CDK17: variants seen among roughly 807,000 people sequenced by gnomAD.
The protein encoded by CDK17 is cyclin-dependent kinase 17.
A neutral mutation model predicts 77.6 loss-of-function variants in CDK17; 24 were observed. The observed-to-expected ratio is 0.31, with a 90% CI of 0.22 to 0.44. The LOEUF is 0.44. CDK17 is among the 20% of genes least tolerant of loss of function. The pLI, the probability that CDK17 is intolerant of heterozygous loss-of-function variation, is 1.00. For missense variants in CDK17, 429 were observed against 622.5 expected, an observed-to-expected ratio of 0.69 and a Z score of 3.31; for synonymous variants, 203 against 210.4, an observed-to-expected ratio of 0.96 and a Z score of 0.30.
chr12:96,334,683 A>G, intron 2 of CDK17, 36 bp downstream of exon 2: 2 of 1,046,618 alleles, frequency 1.9e-6, no homozygotes, highest in Non-Finnish European at 3.0e-6. Flanking sequence ...AAGTAATTAA[A>G]AGGAGGAAGC....
chr12:96,334,651 G>A (rs1404712974), intron 2 of CDK17, 68 bp downstream of exon 2: 2 of 832,960 alleles, frequency 2.4e-6, no homozygotes, highest in Non-Finnish European at 4.0e-6. Flanking sequence ...TATCTAAAAA[G>A]TAAATTTACA....
At chr12:96,280,670 G>A (rs1952165788) in intron 16 of CDK17, 138 bp downstream of exon 16, 2 of 1,448,860 alleles carry the variant, frequency 1.4e-6, no homozygotes, top group South Asian at 1.5e-5. Context: ...TACGTGCAAT[G>A]CTAAACATAA....
intron 1 of CDK17, among the ~76,000 whole-genome samples, chr12:96,380,658 G>C (rs149595368): frequency 1.1e-3 from 161 of 152,150 alleles, no homozygotes; most frequent in Admixed American, 4.3e-3. Context: ...CATCACAAAA[G>C]GTTGTCCATT....
At chr12:96,285,541 A>C (rs778899794) in intron 13 of CDK17, among the ~76,000 whole-genome samples, 1 of 152,136 alleles carries the variant, frequency 6.6e-6, no homozygotes, top group Non-Finnish European at 1.5e-5. Flanking sequence ...AAATGTTCTG[A>C]CTCAAATTTT....
At chr12:96,327,600 T>C (rs1162261101) in intron 2 of CDK17, among the ~76,000 whole-genome samples, 2 of 152,142 alleles carry the variant, frequency 1.3e-5, no homozygotes, top group Admixed American at 6.5e-5. Flanking sequence ...CAGGCTGAAG[T>C]GCAGTGGTGC....
At chr12:96,332,532 A>T (rs902750516) in intron 2 of CDK17, among the ~76,000 whole-genome samples, 2 of 152,214 alleles carry the variant, frequency 1.3e-5, no homozygotes, top group Admixed American at 6.5e-5. Context: ...ACAAGAAAAG[A>T]ATGTGTTGGA....
rs955235835 is a variant in CDK17, at chr12:96,400,276, C to G, written c.-320G>C. Reference sequence around the variant, plus strand: ...GGCCCACTAATCCCCTCGGAGCAGCCGGGCGCGAGCGCGGCGGGCGCCGAC... The same window carrying G: ...GGCCCACTAATCCCCTCGGAGCAGCGGGGCGCGAGCGCGGCGGGCGCCGAC... On this transcript the variant is annotated 5_prime_UTR_variant, in exon 1 of 17. Transcript: ENST00000261211. 1.0e-5 allele frequency: 4 copies of G among 392,102 alleles called. No homozygotes were observed. Among genetic ancestry groups the G allele is most frequent in the East Asian group, 3.6e-5 (1 of 27,590 alleles). The allele number at this position is 392,102 out of a possible 1,614,324, so 24.3% of individuals were successfully genotyped here.
At chr12:96,345,102 G>C (rs182928479) in intron 1 of CDK17, among the ~76,000 whole-genome samples, 2 of 152,264 alleles carry the variant, frequency 1.3e-5, no homozygotes, top group Admixed American at 1.3e-4. Context: ...TTCTGTGTTA[G>C]TTTGCTGAGC....
At chr12:96,373,835 G>C (rs571236371) in intron 1 of CDK17, among the ~76,000 whole-genome samples, 3 of 151,536 alleles carry the variant, frequency 2.0e-5, no homozygotes, top group Non-Finnish European at 4.4e-5. Context: ...CAGGAGAATC[G>C]CTTGAACCTG....
At chr12:96,372,707 T>C (rs922112450) in intron 1 of CDK17, among the ~76,000 whole-genome samples, 4 of 152,164 alleles carry the variant, frequency 2.6e-5, no homozygotes, top group Non-Finnish European at 5.9e-5. Flanking sequence ...TCTCTATTCT[T>C]CTAATTTTAC....
chr12:96,306,315 T>G (rs1308153823), intron 5 of CDK17, among the ~76,000 whole-genome samples: 1 of 152,002 alleles, frequency 6.6e-6, no homozygotes, highest in Non-Finnish European at 1.5e-5. Context: ...ACCTGTAATG[T>G]CAGTGATTTT....
chr12:96,319,486 G>C (rs1952783979), intron 3 of CDK17, among the ~76,000 whole-genome samples: 1 of 132,090 alleles, frequency 7.6e-6, no homozygotes, highest in Admixed American at 7.8e-5. Flanking sequence ...GCTGGGCAGA[G>C]ACACAACCAA....
chr12:96,330,585 C>T (rs1952952840), intron 2 of CDK17, among the ~76,000 whole-genome samples: 1 of 152,190 alleles, frequency 6.6e-6, no homozygotes, highest in African/African-American at 2.4e-5. Flanking sequence ...TATGGATTTA[C>T]CTATTCTGGA....
intron 1 of CDK17, among the ~76,000 whole-genome samples, chr12:96,378,315 T>C (rs1036381284): frequency 1.3e-5 from 2 of 152,268 alleles, no homozygotes; most frequent in African/African-American, 4.8e-5. Flanking sequence ...TATTACTTTT[T>C]TGTTGCTCAA....
At chr12:96,330,300 A>G (rs893314467) in intron 2 of CDK17, among the ~76,000 whole-genome samples, 1 of 152,236 alleles carries the variant, frequency 6.6e-6, no homozygotes, top group Non-Finnish European at 1.5e-5. Context: ...ACAGCAAAAA[A>G]AAAAAAGACA....
chr12:96,392,606 A>C (rs1954087764), intron 1 of CDK17, among the ~76,000 whole-genome samples: 1 of 152,226 alleles, frequency 6.6e-6, no homozygotes, highest in Admixed American at 6.5e-5. Flanking sequence ...CGTAAGAAAG[A>C]AGCTGCCAAA....
At chr12:96,384,632 T>C (rs940635333) in intron 1 of CDK17, among the ~76,000 whole-genome samples, 2 of 152,154 alleles carry the variant, frequency 1.3e-5, no homozygotes, top group African/African-American at 4.8e-5. Flanking sequence ...CTGGAGACCA[T>C]TATCCTCAGT....
chr12:96,376,889 A>T (rs1953789285), intron 1 of CDK17, among the ~76,000 whole-genome samples: 1 of 152,238 alleles, frequency 6.6e-6, no homozygotes, highest in Admixed American at 6.5e-5. Flanking sequence ...TGAATAATCC[A>T]CAATACTGAT....
intron 1 of CDK17, among the ~76,000 whole-genome samples, chr12:96,366,806 TCTC>T (rs745822101): frequency 2.0e-5 from 3 of 152,244 alleles, no homozygotes; most frequent in African/African-American, 4.8e-5. Context: ...ATATGTGACT[TCTC>T]CTAAATATCT....
Sources: gnomAD v4.1 joint callset for allele counts (sites outside exome capture counted in the v4.1 genomes callset) on GRCh38, gnomAD v4.1.1 for gene constraint, MANE v1.5 for transcripts, NCBI Gene and HGNC (gene_info 2026-07-23, HGNC 2026-07-21) for gene names.